HPCAL1: variants seen among roughly 807,000 people sequenced by gnomAD.
HPCAL1 encodes the protein hippocalcin-like protein 1.
HPCAL1 carries 8 observed loss-of-function variants against 17.1 expected under a neutral mutation model. The ratio of observed to expected loss-of-function variants is 0.47; its 90% CI spans 0.27 to 0.84. The LOEUF (loss-of-function observed/expected upper bound fraction) is 0.84, where lower values mean the gene tolerates loss of function less well. Ranked by LOEUF, HPCAL1 falls within the 40% of genes least tolerant of loss-of-function variation. The pLI, the probability that HPCAL1 is intolerant of heterozygous loss-of-function variation, is 0.13. For synonymous variants in HPCAL1, 112 were observed against 111.4 expected, an observed-to-expected ratio of 1.01 and a Z score of -0.03; for missense variants, 165 against 271.1, an observed-to-expected ratio of 0.61 and a Z score of 2.75.
intron 3 of HPCAL1, among the ~76,000 whole-genome samples, chr2:10,420,760 T>G (rs540096994): frequency 6.6e-6 from 1 of 152,114 alleles, no homozygotes; most frequent in African/African-American, 2.4e-5. Flanking sequence ...TTCTAAAAAT[T>G]ATATTTTATA....
In HPCAL1 at chr2:10,419,669, G is replaced by C; in HGVS notation, c.-24-65G>C. On this transcript the variant is annotated intron_variant, in intron 2 of 4. Coordinates refer to ENST00000307845, the MANE Select transcript of HPCAL1 (RefSeq NM_002149.4). This position sits in a 1 kb window ranked among gnomAD's most constrained non-coding sequence, Gnocchi z 5.0. The stretch of plus-strand genomic sequence containing the variant: ...AGCGATGGGCTTATTTGGTCTCTCC[G>C]GCACATGGCTCAGCCCTGCTCCGTG... The C allele has an allele frequency of 6.7e-7, 1 of 1,491,582 alleles. No homozygotes were observed. Among genetic ancestry groups the C allele is most frequent in the Admixed American group, 2.1e-5 (1 of 47,044 alleles). 92.4% of individuals were successfully genotyped at this position (1,491,582 alleles called of 1,614,324 possible).
chr2:10,318,497 G>T (rs1403394317), intron 1 of HPCAL1, among the ~76,000 whole-genome samples: 2 of 152,324 alleles, frequency 1.3e-5, no homozygotes, highest in East Asian at 3.9e-4. Context: ...GTGGCCTTGT[G>T]ACAGGCCTGA....
intron 2 of HPCAL1, among the ~76,000 whole-genome samples, chr2:10,414,063 GC>G (rs993252857): frequency 6.6e-6 from 1 of 152,260 alleles, no homozygotes; most frequent in Admixed American, 6.5e-5. Flanking sequence ...CCCTGGCTTT[GC>G]CTCTCAGAGG....
At chr2:10,347,648 C>T (rs1665555543) in intron 1 of HPCAL1, among the ~76,000 whole-genome samples, 1 of 152,184 alleles carries the variant, frequency 6.6e-6, no homozygotes. Flanking sequence ...TGGTGCTGTT[C>T]CTCACAGGTT....
At chr2:10,379,545 G>T (rs114478930) in intron 1 of HPCAL1, among the ~76,000 whole-genome samples, 115 of 152,140 alleles carry the variant, frequency 7.6e-4, no homozygotes, top group African/African-American at 2.1e-3. Flanking sequence ...ATGGTCCGAT[G>T]GCCCGGCCTC....
At chr2:10,418,446 C>CAAAAAAA (rs58884767) in intron 2 of HPCAL1, among the ~76,000 whole-genome samples, 8 of 60,186 alleles carry the variant, frequency 1.3e-4, no homozygotes, top group Admixed American at 2.3e-4. Flanking sequence ...GACTCCATCT[C>CAAAAAAA]AAAAAAAAAA....
At chr2:10,387,773 G>C (rs1478674419) in intron 1 of HPCAL1, among the ~76,000 whole-genome samples, 1 of 152,204 alleles carries the variant, frequency 6.6e-6, no homozygotes, top group South Asian at 2.1e-4. Context: ...GACAGCACCT[G>C]GAGTGTTAGC....
intron 2 of HPCAL1, among the ~76,000 whole-genome samples, chr2:10,399,625 G>T (rs1669463308): frequency 7.0e-6 from 1 of 142,180 alleles, no homozygotes; most frequent in South Asian, 2.3e-4. Context: ...GGGACTCTGG[G>T]ATCAGAAGGC....
At chr2:10,371,787 G>A (rs1032386165) in intron 1 of HPCAL1, among the ~76,000 whole-genome samples, 1 of 152,164 alleles carries the variant, frequency 6.6e-6, no homozygotes, top group African/African-American at 2.4e-5. Context: ...CAAGAACCTC[G>A]CTGTCAGGGG....
intron 1 of HPCAL1, among the ~76,000 whole-genome samples, chr2:10,348,278 A>T (rs1665594175): frequency 6.6e-6 from 1 of 151,946 alleles, no homozygotes; most frequent in African/African-American, 2.4e-5. Flanking sequence ...GTGAAACCTC[A>T]TCTCTACTAA....
chr2:10,386,767 C>A lies in HPCAL1; in HGVS notation c.-110-10068C>A, dbSNP rs544617716. On this transcript the variant is annotated intron_variant, in intron 1 of 4. Transcript: ENST00000307845. ...TTCAGATGGCCAGCTGGAGCACCCC[C>A]CACCAGCCCCGCTGCCTGGACCCCT... Among the ~76,000 whole-genome samples, 142 of 152,308 alleles carry A rather than the reference C, an allele frequency of 9.3e-4. 1 individual carries two copies. The highest frequency in any genetic ancestry group is 3.3e-3 in the African/African-American group (139 of 41,554).
intron 1 of HPCAL1, among the ~76,000 whole-genome samples, chr2:10,325,101 G>A (rs1308784076): frequency 6.6e-6 from 1 of 151,404 alleles, no homozygotes; most frequent in Non-Finnish European, 1.5e-5. Flanking sequence ...CCAAACTGTT[G>A]GGATTACAGG....
At chr2:10,358,180 G>T (rs1442407460) in intron 1 of HPCAL1, among the ~76,000 whole-genome samples, 4 of 152,256 alleles carry the variant, frequency 2.6e-5, no homozygotes, top group Non-Finnish European at 5.9e-5. Flanking sequence ...TAATAAACAG[G>T]ATAGATGTGC....
intron 1 of HPCAL1, among the ~76,000 whole-genome samples, chr2:10,387,867 A>C (rs758215958): frequency 2.0e-5 from 3 of 152,238 alleles, no homozygotes; most frequent in Non-Finnish European, 2.9e-5. Flanking sequence ...AGGGTTGGGC[A>C]AGATGGATCT....
chr2:10,312,527 C>G (rs1364950473), intron 1 of HPCAL1, among the ~76,000 whole-genome samples: 1 of 151,494 alleles, frequency 6.6e-6, no homozygotes, highest in South Asian at 2.1e-4. Flanking sequence ...TTATCACCAT[C>G]ATCATCACCA....
At chr2:10,388,504 C>T (rs1200681314) in intron 1 of HPCAL1, among the ~76,000 whole-genome samples, 1 of 152,204 alleles carries the variant, frequency 6.6e-6, no homozygotes, top group East Asian at 1.9e-4. Flanking sequence ...TTCGAGGTGA[C>T]CTGTCCCCAC....
intron 2 of HPCAL1, among the ~76,000 whole-genome samples, chr2:10,407,754 T>G (rs11686603): frequency 6.6e-6 from 1 of 152,190 alleles, no homozygotes; most frequent in African/African-American, 2.4e-5. Context: ...TGGAGGGAAC[T>G]GCAGGTGCGA....
chr2:10,358,696 C>T (rs1666338902), intron 1 of HPCAL1, among the ~76,000 whole-genome samples: 1 of 152,146 alleles, frequency 6.6e-6, no homozygotes, highest in African/African-American at 2.4e-5. Flanking sequence ...CAGCAGAATG[C>T]CCCGGAGTTT....
chr2:10,329,453 C>T (rs187250352), intron 1 of HPCAL1, among the ~76,000 whole-genome samples: 84 of 152,294 alleles, frequency 5.5e-4, no homozygotes, highest in Admixed American at 6.5e-4. Flanking sequence ...AGAGATGAAA[C>T]ACTGCTGGCT....
Sources: allele counts gnomAD v4.1 joint callset (sites outside exome capture counted in the v4.1 genomes callset), GRCh38; gene constraint gnomAD v4.1.1; non-coding constraint Gnocchi (gnomAD v3.1); transcripts MANE v1.5; gene names NCBI Gene and HGNC (gene_info 2026-07-23, HGNC 2026-07-21).